The following UNC5D variants were observed in gnomAD, a reference collection of about 807,000 sequenced individuals.
The protein encoded by UNC5D is netrin receptor UNC5D.
A neutral mutation model predicts 105.4 loss-of-function variants in UNC5D; 39 were observed. That is an observed-to-expected ratio of 0.37 (90% confidence interval 0.29 to 0.48). The LOEUF (loss-of-function observed/expected upper bound fraction) is 0.48, where lower values mean the gene tolerates loss of function less well. UNC5D is among the 20% of genes least tolerant of loss of function. The pLI is 0.98. For synonymous variants in UNC5D, 452 were observed against 450.4 expected (o/e 1.00, Z -0.04); for missense variants, 991 against 1,202.4 (o/e 0.82, Z 2.60).
intron 4 of UNC5D, among the ~76,000 whole-genome samples, chr8:35,625,119 C>T (rs975784613): frequency 2.0e-5 from 3 of 152,132 alleles, no homozygotes; most frequent in African/African-American, 4.8e-5. Flanking sequence ...CAGGGCATTC[C>T]GTTGTGATGA....
chr8:35,244,929 C>G lies in UNC5D; in HGVS notation c.103+9042C>G, dbSNP rs370359494. Among the ~76,000 whole-genome samples, 4 of 152,060 alleles carry G rather than the reference C, an allele frequency of 2.6e-5. No homozygotes were observed. The East Asian group carries it at 7.7e-4, about 29-fold the overall frequency. On this transcript the variant is annotated intron_variant, in intron 1 of 16. Coordinates refer to ENST00000404895, the MANE Select transcript of UNC5D (RefSeq NM_080872.4). ...TACTCGGGAGGCTGAGGTCAGAGGACTGTGTGAGCCCAGGAATTTGAGGTG... is the reference window on the plus strand; with the variant it reads ...TACTCGGGAGGCTGAGGTCAGAGGAGTGTGTGAGCCCAGGAATTTGAGGTG...
chr8:35,695,860 G>A (rs557892841), intron 7 of UNC5D, among the ~76,000 whole-genome samples: 5 of 151,792 alleles, frequency 3.3e-5, no homozygotes, highest in South Asian at 4.2e-4. Flanking sequence ...TCAGCCTCCC[G>A]AGTAGCTGGG....
chr8:35,275,935 G>C (rs547467281), intron 1 of UNC5D, among the ~76,000 whole-genome samples: 1 of 152,234 alleles, frequency 6.6e-6, no homozygotes, highest in Admixed American at 6.5e-5. Flanking sequence ...GGGATGTATG[G>C]CCAGATAAAT....
At chr8:35,695,347 A>T (rs1182100059) in intron 7 of UNC5D, among the ~76,000 whole-genome samples, 3 of 152,138 alleles carry the variant, frequency 2.0e-5, no homozygotes, top group East Asian at 1.9e-4. Context: ...AAATCTTATG[A>T]TTCTAACTAA....
At chr8:35,714,682 GTAAAGAATAAGA>G (rs1215694194) in intron 8 of UNC5D, among the ~76,000 whole-genome samples, 2 of 152,234 alleles carry the variant, frequency 1.3e-5, no homozygotes, top group African/African-American at 2.4e-5. Context: ...CAGAGCAGTG[GTAAAGAATAAGA>G]TGAAGAATGG....
chr8:35,293,503 C>G (rs1170515277), intron 1 of UNC5D, among the ~76,000 whole-genome samples: 3 of 152,196 alleles, frequency 2.0e-5, no homozygotes, highest in African/African-American at 7.2e-5. Flanking sequence ...TCATCTCCAT[C>G]AAGTCATCTT....
chr8:35,516,161 T>A (rs1181613757), intron 1 of UNC5D, among the ~76,000 whole-genome samples: 2 of 152,206 alleles, frequency 1.3e-5, no homozygotes, highest in Non-Finnish European at 2.9e-5. Context: ...TCATGATATA[T>A]GCAGCAAGAA....
In UNC5D at chr8:35,766,802, G is replaced by GTCTTCATCA. The variant is rs146488837; in HGVS notation, c.2314-98_2314-97insTTCATCATC. On this transcript the variant is annotated intron_variant, in intron 14 of 16. Coordinates refer to ENST00000404895, the MANE Select transcript of UNC5D (RefSeq NM_080872.4). ...TGTGATTGTCCTCATCGTTGTTGTT[G>GTCTTCATCA]TCGTCATCATCATCATCATCATCAC... 6 of 1,339,664 alleles carry GTCTTCATCA rather than the reference G, an allele frequency of 4.5e-6. No individual in the cohort carries two copies. The South Asian group carries it at 5.6e-5, about 12-fold the overall frequency. 83.0% of individuals were successfully genotyped at this position (1,339,664 alleles called of 1,614,324 possible).
At chr8:35,599,680 C>T (rs902500835) in intron 4 of UNC5D, among the ~76,000 whole-genome samples, 5 of 152,130 alleles carry the variant, frequency 3.3e-5, no homozygotes, top group African/African-American at 1.2e-4. Context: ...TTGTCTTTCT[C>T]TCATGATTGG....
chr8:35,498,815 G>A (rs1482902620), intron 1 of UNC5D, among the ~76,000 whole-genome samples: 1 of 151,994 alleles, frequency 6.6e-6, no homozygotes, highest in African/African-American at 2.4e-5. Flanking sequence ...CACCATAGTT[G>A]GCAACATTTT....
At chr8:35,630,951 A>G (rs1370464364) in intron 4 of UNC5D, among the ~76,000 whole-genome samples, 1 of 152,224 alleles carries the variant, frequency 6.6e-6, no homozygotes, top group African/African-American at 2.4e-5. Flanking sequence ...TAGTTTCTCT[A>G]GACATTAAGA....
At chr8:35,335,756 AT>A (rs35774459) in intron 1 of UNC5D, among the ~76,000 whole-genome samples, 14,934 of 89,514 alleles carry the variant, frequency 0.17, 571 homozygotes, top group Middle Eastern at 0.19. Context: ...AGAGATTGCA[AT>A]TTTTTTTTTT....
chr8:35,769,887 C>T (rs962720555), intron 15 of UNC5D, among the ~76,000 whole-genome samples: 3 of 152,112 alleles, frequency 2.0e-5, no homozygotes, highest in East Asian at 1.9e-4. Context: ...TGCTTGAACC[C>T]AGAAGGCAGA....
chr8:35,388,453 T>A (rs913937072), intron 1 of UNC5D, among the ~76,000 whole-genome samples: 1 of 152,150 alleles, frequency 6.6e-6, no homozygotes, highest in African/African-American at 2.4e-5. Context: ...CAGTCCACCA[T>A]ACTTGGAGCA....
intron 4 of UNC5D, among the ~76,000 whole-genome samples, chr8:35,652,462 A>G (rs1444738988): frequency 1.3e-5 from 2 of 152,106 alleles, no homozygotes; most frequent in African/African-American, 4.8e-5. Context: ...CGTGTTCCCA[A>G]AACAGTTATA....
At chr8:35,790,129 A>C (rs1428098503) in intron 16 of UNC5D, among the ~76,000 whole-genome samples, 1 of 152,138 alleles carries the variant, frequency 6.6e-6, no homozygotes, top group Non-Finnish European at 1.5e-5. Flanking sequence ...CAAACAAGAA[A>C]GACAAAACAA....
intron 2 of UNC5D, among the ~76,000 whole-genome samples, chr8:35,558,864 T>C (rs1816733301): frequency 6.6e-6 from 1 of 151,988 alleles, no homozygotes; most frequent in African/African-American, 2.4e-5. Context: ...ATTCCTGTAA[T>C]CCCAGCTACT....
intron 8 of UNC5D, chr8:35,721,364 C>A: frequency 1.4e-6 from 1 of 698,344 alleles, no homozygotes. Flanking sequence ...GGGTGAAAAG[C>A]AGCTATAGCA....
At chr8:35,685,238 A>G (rs982129485) in intron 6 of UNC5D, among the ~76,000 whole-genome samples, 5 of 152,230 alleles carry the variant, frequency 3.3e-5, no homozygotes, top group African/African-American at 1.2e-4. Context: ...TAGAGACTGT[A>G]TACTGTCACA....
Sources: gnomAD v4.1 joint callset for allele counts (sites outside exome capture counted in the v4.1 genomes callset) on GRCh38, gnomAD v4.1.1 for gene constraint, MANE v1.5 for transcripts, NCBI Gene and HGNC (gene_info 2026-07-23, HGNC 2026-07-21) for gene names.